The following NDUFAF7 variants were observed in gnomAD, a reference collection of about 807,000 sequenced individuals.
NDUFAF7 encodes the protein NADH:ubiquinone oxidoreductase complex assembly factor 7.
Under a neutral mutation model 47.2 loss-of-function variants are expected in NDUFAF7, and 48 were observed. The ratio of observed to expected loss-of-function variants is 1.02; its 90% CI spans 0.81 to 1.29. The LOEUF is 1.29. Among genes scored for constraint, NDUFAF7 ranks in the 50% most tolerant of loss-of-function variants. The probability of loss-of-function intolerance (pLI) is 0.00; values close to 1 mark genes in which losing one functional copy is unlikely to be tolerated. For synonymous variants in NDUFAF7, 217 were observed against 190.0 expected (o/e 1.14, Z -1.17); for missense variants, 635 against 537.6 (o/e 1.18, Z -1.79).
chr2:37,262,220 A>G, the NDUFAF7 span, among the ~76,000 whole-genome samples: 1 of 152,128 alleles, frequency 6.6e-6, no homozygotes. Flanking sequence ...GGCCTATGTG[A>G]GGCTGAGTTC....
chr2:37,257,671 GAAAA>G (rs1164110574), downstream of NDUFAF7, among the ~76,000 whole-genome samples: 2 of 28,540 alleles, frequency 7.0e-5, no homozygotes, highest in South Asian at 1.1e-3. Context: ...TGTCTCAAAA[GAAAA>G]AAAAAAAAAA....
chr2:37,243,945 C>T lies in NDUFAF7; in HGVS notation c.764C>T (p.Ser255Phe), dbSNP rs543857897. ...AAACTGAGGTTTGTTTTGGCACCTTCTGCCACCCCAGCAGAAGCCTTCATA... is the reference window on the plus strand; with the variant it reads ...AAACTGAGGTTTGTTTTGGCACCTTTTGCCACCCCAGCAGAAGCCTTCATA... ...SDKLRFVLAP[S>F]ATPAEAFIQH... The change falls in exon 7 of 10, where the codon TCT becomes TTT. Residue 255 changes from serine to phenylalanine, a missense_variant. Physicochemically the swap from Ser to Phe is radical, Grantham distance 155. Coordinates refer to ENST00000002125, the MANE Select transcript of NDUFAF7 (RefSeq NM_144736.5). The T allele has an allele frequency of 4.3e-6, 7 of 1,613,532 alleles. No homozygotes were observed. The highest frequency in any genetic ancestry group is 2.7e-5 in the African/African-American group (2 of 75,038).
At chr2:37,263,696 C>A in the NDUFAF7 span, among the ~76,000 whole-genome samples, 1 of 152,034 alleles carries the variant, frequency 6.6e-6, no homozygotes, top group African/African-American at 2.4e-5. Context: ...GGAGAAGGGA[C>A]CTTTGGAGGA....
At chr2:37,250,179 CAG>C (rs1214639987), downstream of NDUFAF7, among the ~76,000 whole-genome samples, 2 of 152,062 alleles carry the variant, frequency 1.3e-5, no homozygotes, top group Non-Finnish European at 2.9e-5. Context: ...CCTTGCTTTT[CAG>C]ATGCTGCCCA....
At chr2:37,269,514 A>G in the NDUFAF7 span, 1 of 995,776 alleles carries the variant, frequency 1.0e-6, no homozygotes, top group Non-Finnish European at 1.6e-6. Context: ...AAAAAAAGGC[A>G]CTGGACAAAA....
intron 5 of NDUFAF7, 92 bp from the exon 6 acceptor site, chr2:37,242,543 G>C (rs1666462085): frequency 2.0e-6 from 2 of 979,476 alleles, no homozygotes; most frequent in Admixed American, 2.0e-5. Context: ...GATGATTATG[G>C]AGGAAGTAGG....
the NDUFAF7 span, chr2:37,267,810 C>G: frequency 2.9e-6 from 1 of 347,990 alleles, no homozygotes; most frequent in Non-Finnish European, 5.2e-6. Flanking sequence ...CTTGTTAAAT[C>G]AATGATAGTT....
intron 2 of NDUFAF7, among the ~76,000 whole-genome samples, chr2:37,234,248 C>T (rs1472909077): frequency 6.6e-6 from 1 of 152,086 alleles, no homozygotes; most frequent in Non-Finnish European, 1.5e-5. Context: ...TGTTTCCATG[C>T]CCAGCTAGGT....
chr2:37,270,126 C>T, the NDUFAF7 span, among the ~76,000 whole-genome samples: 1 of 151,874 alleles, frequency 6.6e-6, no homozygotes. Context: ...ACTCGGGAGG[C>T]TGAGGCAGGA....
the NDUFAF7 span, chr2:37,268,607 T>A: frequency 3.9e-6 from 1 of 257,576 alleles, no homozygotes; most frequent in African/African-American, 2.3e-5. Flanking sequence ...ATGTTTTTAT[T>A]TGATGGAGAA....
chr2:37,264,919 G>T, the NDUFAF7 span, among the ~76,000 whole-genome samples: 12,928 of 152,088 alleles, frequency 0.085, 614 homozygotes, highest in African/African-American at 0.11. Flanking sequence ...TGGATACTCC[G>T]GGATAAACTG....
At chr2:37,266,692 TAGTC>T in the NDUFAF7 span, among the ~76,000 whole-genome samples, 3 of 152,142 alleles carry the variant, frequency 2.0e-5, no homozygotes, top group African/African-American at 4.8e-5. Flanking sequence ...CTCACCATGT[TAGTC>T]AGGCTGGTCC....
At chr2:37,265,584 A>T in the NDUFAF7 span, among the ~76,000 whole-genome samples, 1 of 152,172 alleles carries the variant, frequency 6.6e-6, no homozygotes, top group South Asian at 2.1e-4. Context: ...CTTAGATTCA[A>T]ACTCTGAATC....
chr2:37,243,875 G>A lies in NDUFAF7; in HGVS notation c.694G>A (p.Gly232Arg). The change falls in exon 7 of 10, where the codon GGA (glycine) becomes AGA (arginine). Residue 232 changes from glycine (G) to arginine (R), a missense_variant. Gly to Arg is a moderately radical substitution (Grantham distance 125). Transcript: ENST00000002125. The stretch of plus-strand genomic sequence containing the variant: ...ATTTTGTGTTTAGAAAACACCACAG[G>A]GATGGCGAGAAGTATTTGTTGACAT... Reference protein sequence around the residue: ...PVHKFQKTPQGWREVFVDIDP... With the variant: ...PVHKFQKTPQRWREVFVDIDP... 1 of 1,613,878 alleles carries A rather than the reference G, an allele frequency of 6.2e-7. No individual in the cohort carries two copies. Among genetic ancestry groups the A allele is most frequent in the Non-Finnish European group, 8.5e-7 (1 of 1,179,916 alleles).
chr2:37,235,958 C>T (rs1665709907), intron 2 of NDUFAF7, 138 bp from the exon 3 acceptor site: 3 of 736,256 alleles, frequency 4.1e-6, no homozygotes, highest in Non-Finnish European at 7.0e-6. Flanking sequence ...ACACCTGGCT[C>T]CCCTTGCTTA....
At chr2:37,257,531 T>A (rs1441233271), downstream of NDUFAF7, among the ~76,000 whole-genome samples, 1 of 151,926 alleles carries the variant, frequency 6.6e-6, no homozygotes, top group East Asian at 1.9e-4. Flanking sequence ...CCTGGCGTGG[T>A]GGCGGGTGCC....
chr2:37,263,843 T>C, the NDUFAF7 span, among the ~76,000 whole-genome samples: 682 of 152,334 alleles, frequency 4.5e-3, 5 homozygotes, highest in African/African-American at 0.016. Flanking sequence ...CTCATCTTTT[T>C]TTTAAAGTAT....
chr2:37,253,387 A>C, downstream of NDUFAF7: 1 of 1,547,644 alleles, frequency 6.5e-7, no homozygotes, highest in Non-Finnish European at 8.8e-7. Flanking sequence ...GAAACAAAAG[A>C]AACAAAATAC....
chr2:37,249,643 G>GACAGACAC (rs1261022368), downstream of NDUFAF7, among the ~76,000 whole-genome samples: 27 of 132,522 alleles, frequency 2.0e-4, no homozygotes, highest in African/African-American at 7.5e-4. Flanking sequence ...CTGTGATAGA[G>GACAGACAC]ACACACACAC....
Sources: allele counts gnomAD v4.1 joint callset (sites outside exome capture counted in the v4.1 genomes callset), GRCh38; gene constraint gnomAD v4.1.1; transcripts MANE v1.5; gene names NCBI Gene and HGNC (gene_info 2026-07-23, HGNC 2026-07-21).